Variants in SIN3A observed in about 807,000 individuals in gnomAD.
The protein encoded by SIN3A is paired amphipathic helix protein Sin3a.
SIN3A carries 14 observed loss-of-function variants against 146.1 expected under a neutral mutation model. The ratio of observed to expected loss-of-function variants is 0.10; its 90% CI spans 0.06 to 0.15. SIN3A has a LOEUF of 0.15. Ranked by LOEUF, SIN3A falls within the 10% of genes least tolerant of loss-of-function variation. The pLI is 1.00. For synonymous variants in SIN3A, 572 were observed against 572.0 expected, an observed-to-expected ratio of 1.00 and a Z score of 0.00; for missense variants, 1,028 against 1,576.0, an observed-to-expected ratio of 0.65 and a Z score of 5.89.
intron 1 of SIN3A, among the ~76,000 whole-genome samples, chr15:75,449,953 T>C (rs1772079370): frequency 6.6e-6 from 1 of 152,138 alleles, no homozygotes; most frequent in Non-Finnish European, 1.5e-5. Context: ...CTTTTTTTTG[T>C]ATTTTTAGTA....
rs376352046 is a variant in SIN3A, at chr15:75,396,410, T to C, written c.1941A>G (p.Glu647=). ...QKKLSRLSAE[E]QAKFRLDNTL... ...TGTTGTCCAAGCGAAATTTGGCTTGTTCTTCAGCAGACAAGCGGGAAAGCT... is the reference window on the plus strand; with the variant it reads ...TGTTGTCCAAGCGAAATTTGGCTTGCTCTTCAGCAGACAAGCGGGAAAGCT... Residue 647 remains glutamate (E), a synonymous_variant, in exon 13 of 21, where the codon GAA becomes GAG. Coordinates refer to ENST00000394947, the MANE Select transcript of SIN3A (RefSeq NM_001145358.2). The C allele has an allele frequency of 1.9e-6, 3 of 1,614,056 alleles. No individual in the cohort carries two copies. Among genetic ancestry groups the C allele is most frequent in the Non-Finnish European group, 2.5e-6 (3 of 1,180,042 alleles).
In SIN3A at chr15:75,392,352, T is replaced by C. The variant is rs1422409184; in HGVS notation, c.2741A>G (p.Glu914Gly). Residue 914 changes from glutamate (E) to glycine (G), a missense_variant, in exon 15 of 21, where the codon GAA becomes GGA. Glu to Gly is a moderately conservative substitution (Grantham distance 98). Transcript: ENST00000394947. ...TCGGTTTTCTTCTTCAATTTGCCGT[T>C]CGGCTTGGGAACAAATCCGTAGCAG... is the stretch of plus-strand genomic sequence containing the variant. ...LRLLRICSQA[E>G]RQIEEENRER... 6.2e-7 allele frequency: 1 copy of C among 1,614,128 alleles called. No homozygotes were observed. The highest frequency in any genetic ancestry group is 8.5e-7 in the Non-Finnish European group (1 of 1,180,056).
chr15:75,431,101 C>T (rs1230768122), intron 1 of SIN3A, among the ~76,000 whole-genome samples: 1 of 152,196 alleles, frequency 6.6e-6, no homozygotes, highest in African/African-American at 2.4e-5. Flanking sequence ...TAAATCCTCT[C>T]AAAACCTACT....
At chr15:75,404,652 C>T (rs980660387) in intron 9 of SIN3A, among the ~76,000 whole-genome samples, 1 of 151,532 alleles carries the variant, frequency 6.6e-6, no homozygotes, top group African/African-American at 2.4e-5. Context: ...CCCAGCTACT[C>T]GGGAGGCTGA....
intron 16 of SIN3A, 79 bp downstream of exon 16, chr15:75,389,573 C>T: frequency 7.0e-7 from 1 of 1,426,236 alleles, no homozygotes; most frequent in Non-Finnish European, 9.7e-7. Flanking sequence ...GAAAAAGTTG[C>T]CTTTCCTTTT....
chr15:75,416,646 A>T (rs2073742577), intron 3 of SIN3A, among the ~76,000 whole-genome samples: 1 of 152,146 alleles, frequency 6.6e-6, no homozygotes, highest in Admixed American at 6.5e-5. Context: ...GACTTTTAAC[A>T]CACATGGCCA....
chr15:75,447,111 C>T (rs1383987398), intron 1 of SIN3A, among the ~76,000 whole-genome samples: 1 of 152,170 alleles, frequency 6.6e-6, no homozygotes, highest in Non-Finnish European at 1.5e-5. Flanking sequence ...AATACTCAGA[C>T]TGAAATGGAA....
chr15:75,409,127 C>T (rs2073576959), intron 8 of SIN3A, among the ~76,000 whole-genome samples: 1 of 151,978 alleles, frequency 6.6e-6, no homozygotes, highest in Non-Finnish European at 1.5e-5. Context: ...TTGCTTGAAC[C>T]CGGGAGGCAG....
intron 2 of SIN3A, among the ~76,000 whole-genome samples, chr15:75,426,408 C>A (rs545830082): frequency 6.6e-6 from 1 of 152,250 alleles, no homozygotes; most frequent in Non-Finnish European, 1.5e-5. Flanking sequence ...ATTGCCAGGT[C>A]AAAAACTAAC....
intron 20 of SIN3A, among the ~76,000 whole-genome samples, chr15:75,374,381 G>A (rs1296994344): frequency 6.6e-6 from 1 of 152,160 alleles, no homozygotes; most frequent in African/African-American, 2.4e-5. Context: ...GCGAAACTCT[G>A]TCTCAAAAAT....
chr15:75,444,723 T>C (rs1001267397), intron 1 of SIN3A, among the ~76,000 whole-genome samples: 5 of 152,172 alleles, frequency 3.3e-5, no homozygotes, highest in African/African-American at 1.2e-4. Context: ...AGACATTTCT[T>C]ACTACTGTAG....
At chr15:75,444,342 G>C (rs1008117188) in intron 1 of SIN3A, among the ~76,000 whole-genome samples, 7 of 152,124 alleles carry the variant, frequency 4.6e-5, no homozygotes, top group African/African-American at 1.7e-4. Flanking sequence ...TCGGGAGGTT[G>C]AGGCAGGAGA....
At chr15:75,430,061 T>A in intron 2 of SIN3A, 126 bp downstream of exon 2, 1 of 711,620 alleles carries the variant, frequency 1.4e-6, no homozygotes, top group Non-Finnish European at 2.3e-6. Context: ...ACAGTTATTT[T>A]TTTTTTTACC....
chr15:75,388,726 A>AT (rs2073139381), intron 16 of SIN3A: 1 of 152,286 alleles, frequency 6.6e-6, no homozygotes, highest in Non-Finnish European at 1.5e-5. Flanking sequence ...ACTTTAAGGT[A>AT]TTTGCCAGTC....
chr15:75,407,264 TGA>T (rs2141477144), intron 8 of SIN3A, 120 bp from the exon 9 acceptor site: 1 of 639,956 alleles, frequency 1.6e-6, no homozygotes, highest in South Asian at 2.1e-5. Context: ...TTGAAACAAA[TGA>T]GAGAACTCTA....
chr15:75,380,746 C>G (rs557485803), intron 18 of SIN3A, 23 bp from the exon 19 acceptor site: 7 of 1,574,694 alleles, frequency 4.4e-6, no homozygotes, highest in East Asian at 2.2e-5. Flanking sequence ...ACACAAAATA[C>G]AGGTGGAAGG....
chr15:75,411,988 A>C (rs1009781056), intron 5 of SIN3A, among the ~76,000 whole-genome samples: 2 of 152,240 alleles, frequency 1.3e-5, no homozygotes, highest in African/African-American at 2.4e-5. Context: ...GCCATCTCCA[A>C]TTACAGGGAA....
intron 17 of SIN3A, among the ~76,000 whole-genome samples, chr15:75,382,359 T>C (rs1027771725): frequency 6.6e-6 from 1 of 152,180 alleles, no homozygotes; most frequent in African/African-American, 2.4e-5. Context: ...ATTTCCAAAA[T>C]AGATTTCGGG....
chr15:75,387,416 G>T (rs951148748), intron 16 of SIN3A, among the ~76,000 whole-genome samples: 2 of 151,424 alleles, frequency 1.3e-5, no homozygotes, highest in African/African-American at 4.9e-5. Context: ...AGCTACTTGG[G>T]AGGCTGAGGT....
Sources: gnomAD v4.1 joint callset for allele counts (sites outside exome capture counted in the v4.1 genomes callset) on GRCh38, gnomAD v4.1.1 for gene constraint, MANE v1.5 for transcripts, NCBI Gene and HGNC (gene_info 2026-07-23, HGNC 2026-07-21) for gene names.